PIBF1: variants seen among roughly 807,000 people sequenced by gnomAD.
PIBF1 encodes progesterone-induced-blocking factor 1.
Under a neutral mutation model 112.5 loss-of-function variants are expected in PIBF1, and 90 were observed. The ratio of observed to expected loss-of-function variants is 0.80; its 90% CI spans 0.67 to 0.95. The LOEUF is 0.95. PIBF1 is among the 40% of genes least tolerant of loss of function. PIBF1 has a pLI of 0.00. For missense variants in PIBF1, 915 were observed against 852.3 expected (o/e 1.07, Z -0.92); for synonymous variants, 301 against 288.6 (o/e 1.04, Z -0.44).
chr13:72,943,799 A>G (rs1244532393), intron 14 of PIBF1, among the ~76,000 whole-genome samples: 2 of 152,174 alleles, frequency 1.3e-5, no homozygotes, highest in African/African-American at 4.8e-5. Flanking sequence ...TTTAGGGGAA[A>G]AGGGGAAAAA....
intron 11 of PIBF1, among the ~76,000 whole-genome samples, chr13:72,900,233 C>T (rs1426386593): frequency 6.6e-6 from 1 of 151,916 alleles, no homozygotes. Context: ...ATCATTCTTC[C>T]CAGAGTTAGA....
At chr13:72,881,949 T>C (rs2039656338) in intron 10 of PIBF1, among the ~76,000 whole-genome samples, 1 of 151,964 alleles carries the variant, frequency 6.6e-6, no homozygotes, top group Non-Finnish European at 1.5e-5. Context: ...TCCTAAAATG[T>C]ATATGGAACC....
intron 5 of PIBF1, among the ~76,000 whole-genome samples, chr13:72,805,359 GTCTCGA>G (rs1428676282): frequency 6.6e-6 from 1 of 152,114 alleles, no homozygotes; most frequent in Non-Finnish European, 1.5e-5. Context: ...AGCCAGGATG[GTCTCGA>G]TCTCCTGACC....
intron 14 of PIBF1, among the ~76,000 whole-genome samples, chr13:72,957,845 A>C (rs2042490817): frequency 6.6e-6 from 1 of 151,996 alleles, no homozygotes; most frequent in Non-Finnish European, 1.5e-5. Flanking sequence ...ACTACTTGGG[A>C]GGCTGAAGTG....
chr13:72,946,793 C>T (rs2042159494), intron 14 of PIBF1, among the ~76,000 whole-genome samples: 1 of 152,214 alleles, frequency 6.6e-6, no homozygotes, highest in Admixed American at 6.5e-5. Context: ...ACATCCAGGT[C>T]ACATTGATGC....
At chr13:72,975,124 C>T (rs1224127874) in intron 16 of PIBF1, among the ~76,000 whole-genome samples, 7 of 149,284 alleles carry the variant, frequency 4.7e-5, no homozygotes, top group Non-Finnish European at 8.9e-5. Context: ...GGCATGATCT[C>T]GGCTCACGGC....
intron 17 of PIBF1, among the ~76,000 whole-genome samples, chr13:73,012,987 G>T (rs2044249551): frequency 6.6e-6 from 1 of 151,338 alleles, no homozygotes; most frequent in South Asian, 2.1e-4. Context: ...GACTACAAAA[G>T]CTATAGCATA....
chr13:73,015,709 A>G (rs969573563), intron 17 of PIBF1, among the ~76,000 whole-genome samples, 160 bp from the exon 18 acceptor site: 1 of 152,224 alleles, frequency 6.6e-6, no homozygotes, highest in South Asian at 2.1e-4. Context: ...TTATGGCAAA[A>G]GACAAAGTCT....
intron 16 of PIBF1, among the ~76,000 whole-genome samples, chr13:72,976,914 G>GCATCT (rs774794350): frequency 1.3e-5 from 2 of 152,108 alleles, no homozygotes; most frequent in Non-Finnish European, 2.9e-5. Context: ...GGCAAGCAAG[G>GCATCT]CATCTAGGAC....
intron 13 of PIBF1, among the ~76,000 whole-genome samples, chr13:72,920,666 A>C (rs1448857851): frequency 6.6e-6 from 1 of 152,198 alleles, no homozygotes; most frequent in South Asian, 2.1e-4. Flanking sequence ...ATGTACCTGT[A>C]ATCCCAGCTT....
At chr13:72,835,181 C>T in intron 8 of PIBF1, 62 bp from the exon 9 acceptor site, 2 of 1,243,270 alleles carry the variant, frequency 1.6e-6, no homozygotes, top group East Asian at 2.7e-5. Context: ...ATCTTACGTA[C>T]AGTGCAAAAG....
chr13:72,928,028 T>TATACATATATATATGTACATATATATAC, intron 13 of PIBF1, among the ~76,000 whole-genome samples: 1 of 58,870 alleles, frequency 1.7e-5, no homozygotes, highest in Non-Finnish European at 3.8e-5. Context: ...TATATATACA[T>TATACATATATATATGTACATATATATAC]ATATATATAT....
At chr13:73,005,280 G>A (rs1027268150) in intron 17 of PIBF1, among the ~76,000 whole-genome samples, 1 of 148,722 alleles carries the variant, frequency 6.7e-6, no homozygotes, top group Admixed American at 6.7e-5. Context: ...ACTTTTGTGA[G>A]ATCCTACCTT....
chr13:72,893,307 A>G (rs2040133817), intron 10 of PIBF1, among the ~76,000 whole-genome samples: 1 of 151,876 alleles, frequency 6.6e-6, no homozygotes, highest in Admixed American at 6.6e-5. Context: ...TGTAATATCA[A>G]AATATATGTA....
chr13:72,890,338 C>A (rs1350696759), intron 10 of PIBF1, among the ~76,000 whole-genome samples: 1 of 152,104 alleles, frequency 6.6e-6, no homozygotes, highest in African/African-American at 2.4e-5. Flanking sequence ...TTCTTTGTAG[C>A]TCCCTGTGTA....
intron 11 of PIBF1, 136 bp from the exon 12 acceptor site, chr13:72,908,395 A>C: frequency 2.4e-6 from 1 of 411,864 alleles, no homozygotes; most frequent in Middle Eastern, 6.7e-4. Context: ...TTTCCTCATT[A>C]GTCATCTTAA....
chr13:72,998,337 G>A (rs916231482), intron 16 of PIBF1, among the ~76,000 whole-genome samples: 12 of 152,122 alleles, frequency 7.9e-5, no homozygotes, highest in Admixed American at 3.9e-4. Context: ...TTAGCTGGGC[G>A]TGGTGGCATG....
chr13:72,951,509 A>T (rs1353261163), intron 14 of PIBF1, among the ~76,000 whole-genome samples: 1 of 152,160 alleles, frequency 6.6e-6, no homozygotes, highest in Non-Finnish European at 1.5e-5. Context: ...TATAATATCT[A>T]AGGGGTGGAA....
At chr13:72,928,298 T>G (rs2041595899) in intron 13 of PIBF1, among the ~76,000 whole-genome samples, 1 of 151,954 alleles carries the variant, frequency 6.6e-6, no homozygotes, top group South Asian at 2.1e-4. Context: ...TAGAGTATAT[T>G]TGTAAGCAAT....
Sources: allele counts gnomAD v4.1 joint callset (sites outside exome capture counted in the v4.1 genomes callset), GRCh38; gene constraint gnomAD v4.1.1; transcripts MANE v1.5; gene names NCBI Gene and HGNC (gene_info 2026-07-23, HGNC 2026-07-21).